Variants in GDI2 observed in about 807,000 individuals in gnomAD.
GDI2 encodes the protein GDP dissociation inhibitor 2, also known as rab GDP dissociation inhibitor beta.
In GDI2, 22 loss-of-function variants were observed where a neutral mutation model predicts 54.2. That is an observed-to-expected ratio of 0.41 (90% CI 0.29 to 0.58). The LOEUF is 0.58. GDI2 is among the 20% of genes least tolerant of loss of function. The pLI, the probability that GDI2 is intolerant of heterozygous loss-of-function variation, is 0.35. For missense variants in GDI2, 422 were observed against 546.0 expected, an observed-to-expected ratio of 0.77 and a Z score of 2.26; for synonymous variants, 177 against 182.1, an observed-to-expected ratio of 0.97 and a Z score of 0.23.
chr10:5,801,008 T>C (rs1231237853), intron 1 of GDI2, among the ~76,000 whole-genome samples: 2 of 152,094 alleles, frequency 1.3e-5, no homozygotes, highest in Non-Finnish European at 2.9e-5. Context: ...AGGAGTGCAA[T>C]GGCGCAATCT....
intron 1 of GDI2, among the ~76,000 whole-genome samples, chr10:5,801,428 G>C (rs960927884): frequency 1.3e-5 from 2 of 152,006 alleles, no homozygotes; most frequent in African/African-American, 4.8e-5. Flanking sequence ...GTAATCCCCA[G>C]CACTTTGGGA....
At chr10:5,804,958 C>G (rs1841345077) in intron 1 of GDI2, among the ~76,000 whole-genome samples, 1 of 152,014 alleles carries the variant, frequency 6.6e-6, no homozygotes, top group Non-Finnish European at 1.5e-5. Context: ...CTCGGCCTCC[C>G]AAGTAGCTGG....
At chr10:5,778,499 CTT>C (rs1282374641) in intron 6 of GDI2, among the ~76,000 whole-genome samples, 13 of 152,220 alleles carry the variant, frequency 8.5e-5, no homozygotes, top group Non-Finnish European at 4.4e-5. Flanking sequence ...GTGTGCCACA[CTT>C]TGCACTACTA....
chr10:5,804,434 AG>A (rs1841333060), intron 1 of GDI2, among the ~76,000 whole-genome samples: 1 of 152,104 alleles, frequency 6.6e-6, no homozygotes, highest in African/African-American at 2.4e-5. Context: ...AAACATTCTG[AG>A]CACTCCAGAA....
At chr10:5,778,749 G>A (rs1240415747) in intron 6 of GDI2, among the ~76,000 whole-genome samples, 1 of 152,110 alleles carries the variant, frequency 6.6e-6, no homozygotes, top group Non-Finnish European at 1.5e-5. Flanking sequence ...GTATTTGATT[G>A]TAAGAAATCA....
rs1049682638 is a variant in GDI2, at chr10:5,776,576, T to C, written c.720-2635A>G. 2 of 1,566,102 alleles carry C rather than the reference T, an allele frequency of 1.3e-6. No individual in the cohort carries two copies. The highest frequency in any genetic ancestry group is 1.8e-6 in the Non-Finnish European group (2 of 1,139,810). On this transcript the variant is annotated intron_variant, in intron 6 of 10. Transcript: ENST00000380191. This position sits in a 1 kb window ranked among gnomAD's most constrained non-coding sequence, Gnocchi z 5.3. ...ATTCCTTGTGGCTGAGAATGAAAGATTAAGGAAAGAAAATAAACAACTCAA... is the reference window on the plus strand; with the variant it reads ...ATTCCTTGTGGCTGAGAATGAAAGACTAAGGAAAGAAAATAAACAACTCAA...
chr10:5,779,694 C>CTTT (rs368605604), intron 6 of GDI2, among the ~76,000 whole-genome samples: 2 of 139,844 alleles, frequency 1.4e-5, no homozygotes, highest in Non-Finnish European at 3.1e-5. Context: ...AAGTTTGATG[C>CTTT]TTTTTTTTTT....
intron 1 of GDI2, among the ~76,000 whole-genome samples, chr10:5,805,213 C>T (rs1234194084): frequency 6.6e-6 from 1 of 152,004 alleles, no homozygotes; most frequent in Non-Finnish European, 1.5e-5. Context: ...CATCACCTGC[C>T]AACTTGTTAG....
intron 6 of GDI2, among the ~76,000 whole-genome samples, chr10:5,784,306 T>G (rs966992303): frequency 1.3e-5 from 2 of 152,226 alleles, no homozygotes; most frequent in Admixed American, 1.3e-4. Flanking sequence ...GCTATTTTCC[T>G]GGAAATTTTT....
At chr10:5,785,110 G>GAATCACT (rs779629240) in intron 6 of GDI2, 32 bp downstream of exon 6, 72 of 1,513,560 alleles carry the variant, frequency 4.8e-5, no homozygotes, top group Non-Finnish European at 6.1e-5. Flanking sequence ...ATGAGGTTTT[G>GAATCACT]GATCACTGAG....
chr10:5,801,999 C>A (rs1841280943), intron 1 of GDI2, among the ~76,000 whole-genome samples: 1 of 152,092 alleles, frequency 6.6e-6, no homozygotes, highest in Non-Finnish European at 1.5e-5. Context: ...CAGAGCAAGA[C>A]TGAGTAGCAA....
chr10:5,771,502 A>G (rs1275051252), intron 7 of GDI2, among the ~76,000 whole-genome samples: 3 of 152,170 alleles, frequency 2.0e-5, no homozygotes, highest in South Asian at 2.1e-4. Context: ...TCCTCTTCCA[A>G]TGTGGCACAG....
chr10:5,800,280 A>C (rs527970382), intron 2 of GDI2, among the ~76,000 whole-genome samples: 56 of 152,330 alleles, frequency 3.7e-4, no homozygotes, highest in South Asian at 2.7e-3. Context: ...GGAGATTAAA[A>C]AAAAAATCTT....
chr10:5,790,482 A>T (rs1840986991), intron 4 of GDI2, among the ~76,000 whole-genome samples: 1 of 152,058 alleles, frequency 6.6e-6, no homozygotes, highest in African/African-American at 2.4e-5. Context: ...TATCTCTATT[A>T]AAAATACAAA....
intron 2 of GDI2, among the ~76,000 whole-genome samples, chr10:5,797,318 G>A (rs752180324): frequency 3.3e-5 from 5 of 151,944 alleles, no homozygotes; most frequent in East Asian, 1.9e-4. Context: ...AGGCCGAGGC[G>A]GGTGGATCAG....
chr10:5,812,370 A>G (rs577900795), intron 1 of GDI2, among the ~76,000 whole-genome samples: 7 of 152,316 alleles, frequency 4.6e-5, no homozygotes, highest in African/African-American at 1.7e-4. Flanking sequence ...TCATGTTATT[A>G]TCTTCCAACT....
In GDI2 at chr10:5,794,917, A is replaced by G; in HGVS notation, c.356T>C (p.Val119Ala). The G allele has an allele frequency of 1.2e-6, 2 of 1,606,848 alleles. No individual in the cohort carries two copies. The highest frequency in any genetic ancestry group is 1.1e-5 in the South Asian group (1 of 90,944). The change falls in exon 4 of 11, where the codon GTT (valine) becomes GCT (alanine). Residue 119 changes from valine to alanine, a missense_variant. Physicochemically the swap from Val to Ala is moderately conservative, Grantham distance 64. Transcript: ENST00000380191. The stretch of plus-strand genomic sequence containing the variant: ...CAGGGCTTCTGCTTCAGTGGAAGGA[A>G]CCTTGTAGATTTTTCCACCCTTATA... ...FVYKGGKIYK[V>A]PSTEAEALAS... is the part of the protein sequence containing the mutation.
intron 1 of GDI2, among the ~76,000 whole-genome samples, chr10:5,811,017 A>C (rs1298038533): frequency 6.6e-6 from 1 of 152,200 alleles, no homozygotes; most frequent in Non-Finnish European, 1.5e-5. Flanking sequence ...TCAGGCACTA[A>C]AGTAAATTTT....
At chr10:5,808,601 G>A (rs1204386882) in intron 1 of GDI2, among the ~76,000 whole-genome samples, 1 of 151,332 alleles carries the variant, frequency 6.6e-6, no homozygotes, top group Non-Finnish European at 1.5e-5. Context: ...ACTTGAACCG[G>A]GGAGGCAGAG....
Sources: allele counts gnomAD v4.1 joint callset (sites outside exome capture counted in the v4.1 genomes callset), GRCh38; gene constraint gnomAD v4.1.1; non-coding constraint Gnocchi (gnomAD v3.1); transcripts MANE v1.5; gene names NCBI Gene and HGNC (gene_info 2026-07-23, HGNC 2026-07-21).